The following MEGF10 variants were observed in gnomAD, a reference collection of about 807,000 sequenced individuals.
MEGF10 encodes multiple EGF like domains 10, also known as multiple epidermal growth factor-like domains protein 10.
In MEGF10, 86 loss-of-function variants were observed where a neutral mutation model predicts 147.5. That is an observed-to-expected ratio of 0.58 (90% CI 0.49 to 0.70). The LOEUF (loss-of-function observed/expected upper bound fraction) is 0.70. MEGF10 is among the 30% of genes least tolerant of loss of function. The pLI is 0.00. For synonymous variants in MEGF10, 478 were observed against 525.5 expected, an observed-to-expected ratio of 0.91 and a Z score of 1.24; for missense variants, 1,329 against 1,487.3, an observed-to-expected ratio of 0.89 and a Z score of 1.75.
At position 127,342,421 on chromosome 5, in the gene MEGF10, A is replaced by G. The variant is rs72786484; in HGVS notation, c.319+1791A>G. ...CATAGAATTTGTATATGAAGCCAGG[A>G]TGCTATTTTCCTAACTCATACAAAA... On this transcript the variant is annotated intron_variant, in intron 4 of 24. Transcript: ENST00000503335. Among the ~76,000 whole-genome samples, 1,339 of 152,270 alleles carry G rather than the reference A, an allele frequency of 8.8e-3. 10 individuals carry two copies. Among genetic ancestry groups the G allele is most frequent in the Non-Finnish European group, 0.014 (955 of 68,008 alleles).
At chr5:127,427,926 T>C (rs1765259373) in intron 13 of MEGF10, among the ~76,000 whole-genome samples, 1 of 152,150 alleles carries the variant, frequency 6.6e-6, no homozygotes, top group Non-Finnish European at 1.5e-5. Flanking sequence ...AGAGTGTGTC[T>C]GCAGGTTCAT....
chr5:127,294,799 AAATAATAAT>A (rs200086613), intron 1 of MEGF10, among the ~76,000 whole-genome samples: 51 of 108,062 alleles, frequency 4.7e-4, no homozygotes, highest in Non-Finnish European at 6.4e-4. Flanking sequence ...ACTCTGTCTC[AAATAATAAT>A]AATAATAATA....
chr5:127,291,333 C>G (rs556749946), intron 1 of MEGF10, among the ~76,000 whole-genome samples: 1 of 152,244 alleles, frequency 6.6e-6, no homozygotes, highest in East Asian at 1.9e-4. Context: ...AATTCCTGCC[C>G]TTGTATTGCC....
At chr5:127,386,995 G>C (rs539842891) in intron 5 of MEGF10, among the ~76,000 whole-genome samples, 2 of 152,238 alleles carry the variant, frequency 1.3e-5, no homozygotes, top group Non-Finnish European at 2.9e-5. Context: ...AATTGGCCAT[G>C]GGCTAGCTAG....
chr5:127,243,290 G>C, the MEGF10 span, among the ~76,000 whole-genome samples: 2 of 152,072 alleles, frequency 1.3e-5, no homozygotes, highest in East Asian at 3.9e-4. Flanking sequence ...TCCTTGTTTG[G>C]GCAGTTGGAC....
chr5:127,262,807 C>T, the MEGF10 span, among the ~76,000 whole-genome samples: 1 of 152,160 alleles, frequency 6.6e-6, no homozygotes, highest in Non-Finnish European at 1.5e-5. Context: ...ATCTCTATCT[C>T]TTTCTTCTCT....
At chr5:127,303,362 A>G (rs1759862869) in intron 1 of MEGF10, among the ~76,000 whole-genome samples, 1 of 151,310 alleles carries the variant, frequency 6.6e-6, no homozygotes, top group South Asian at 2.1e-4. Flanking sequence ...AAAAGCAATA[A>G]GGTTGGAAGT....
At chr5:127,361,888 T>C (rs889428662) in intron 4 of MEGF10, among the ~76,000 whole-genome samples, 4 of 152,180 alleles carry the variant, frequency 2.6e-5, no homozygotes, top group Admixed American at 6.5e-5. Context: ...GTTAGAAAAC[T>C]GCTTTGCATG....
intron 7 of MEGF10, among the ~76,000 whole-genome samples, chr5:127,401,745 T>G (rs1764140802): frequency 6.6e-6 from 1 of 152,006 alleles, no homozygotes; most frequent in Non-Finnish European, 1.5e-5. Context: ...AAAACAAGAG[T>G]ATTTCATTGA....
At chr5:127,402,812 C>A in intron 8 of MEGF10, 130 bp downstream of exon 8, 1 of 857,948 alleles carries the variant, frequency 1.2e-6, no homozygotes, top group Non-Finnish European at 1.7e-6. Context: ...AGCTATACAG[C>A]CTCAATGTGT....
intron 19 of MEGF10, among the ~76,000 whole-genome samples, chr5:127,443,454 G>T (rs942359945): frequency 2.0e-5 from 3 of 151,956 alleles, no homozygotes; most frequent in African/African-American, 7.3e-5. Flanking sequence ...CTTTATTGAG[G>T]TGTAATTGAT....
Position 127,424,417 on chromosome 5 carries a change from G to C in MEGF10, c.1693+1645G>C, listed in dbSNP as rs184484465. On this transcript the variant is annotated intron_variant, in intron 13 of 24. Coordinates refer to ENST00000503335, the MANE Select transcript of MEGF10 (RefSeq NM_001256545.2). ...TATGTTAATTTCCACAAAGAAGCAA[G>C]GTGGAAATTTAATGGAGATTGAATC... The C allele has an allele frequency of 3.2e-6, 3 of 944,886 alleles. No individual in the cohort carries two copies. The East Asian group carries it at 7.9e-5, about 25-fold the overall frequency. The allele number at this position is 944,886 out of a possible 1,614,324, so 58.5% of individuals were successfully genotyped here.
intron 4 of MEGF10, among the ~76,000 whole-genome samples, chr5:127,355,623 A>C (rs1372919857): frequency 1.3e-5 from 2 of 152,300 alleles, no homozygotes; most frequent in East Asian, 3.9e-4. Flanking sequence ...CCACACATCT[A>C]TCGGAACCTA....
intron 5 of MEGF10, among the ~76,000 whole-genome samples, chr5:127,388,517 T>TTTTA (rs368047649): frequency 0.085 from 12,026 of 141,942 alleles, 665 homozygotes; most frequent in African/African-American, 0.14. Flanking sequence ...TCTTTTTTCT[T>TTTTA]TTTATTTATT....
intron 4 of MEGF10, among the ~76,000 whole-genome samples, chr5:127,350,984 C>T (rs1762065152): frequency 6.7e-6 from 1 of 150,016 alleles, no homozygotes; most frequent in Non-Finnish European, 1.5e-5. Context: ...ATGATGGTTA[C>T]CAGAGGATGG....
chr5:127,319,928 G>T (rs542807720), intron 1 of MEGF10, among the ~76,000 whole-genome samples: 1 of 152,208 alleles, frequency 6.6e-6, no homozygotes, highest in Non-Finnish European at 1.5e-5. Context: ...GTGGCCTAAG[G>T]AGAAGCCATT....
chr5:127,239,450 AT>A, the MEGF10 span, among the ~76,000 whole-genome samples: 2 of 144,218 alleles, frequency 1.4e-5, no homozygotes, highest in Admixed American at 1.4e-4. Flanking sequence ...ATATATATAT[AT>A]TATATATAAA....
intron 1 of MEGF10, among the ~76,000 whole-genome samples, chr5:127,321,868 A>G (rs1760798981): frequency 6.6e-6 from 1 of 152,092 alleles, no homozygotes; most frequent in Non-Finnish European, 1.5e-5. Flanking sequence ...AAGACTGAAG[A>G]TTCTGATGAT....
At chr5:127,284,249 C>T in the MEGF10 span, among the ~76,000 whole-genome samples, 16 of 152,132 alleles carry the variant, frequency 1.1e-4, no homozygotes, top group South Asian at 4.1e-4. Context: ...AAGAACCCCA[C>T]CTTTCTAATC....
Sources: gnomAD v4.1 joint callset for allele counts (sites outside exome capture counted in the v4.1 genomes callset) on GRCh38, gnomAD v4.1.1 for gene constraint, MANE v1.5 for transcripts, NCBI Gene and HGNC (gene_info 2026-07-23, HGNC 2026-07-21) for gene names.